Variants in MAP2K5 observed in about 807,000 individuals in gnomAD.
MAP2K5 encodes the protein dual specificity mitogen-activated protein kinase kinase 5.
A neutral mutation model predicts 83.1 loss-of-function variants in MAP2K5; 49 were observed. The ratio of observed to expected loss-of-function variants is 0.59; its 90% CI spans 0.47 to 0.75. MAP2K5 has a LOEUF of 0.75. Among genes scored for constraint, MAP2K5 ranks in the 30% least tolerant of loss-of-function variants. The probability of loss-of-function intolerance (pLI) is 0.00; values close to 1 mark genes in which losing one functional copy is unlikely to be tolerated. For missense variants in MAP2K5, 457 were observed against 557.5 expected (o/e 0.82, Z 1.82); for synonymous variants, 202 against 191.8 (o/e 1.05, Z -0.44).
chr15:67,752,461 C>T (rs1320562361), intron 19 of MAP2K5, among the ~76,000 whole-genome samples: 1 of 151,746 alleles, frequency 6.6e-6, no homozygotes, highest in Non-Finnish European at 1.5e-5. Flanking sequence ...GGGTGGATCA[C>T]AAGGTCAGGG....
chr15:67,626,154 A>C (rs1261680744), intron 8 of MAP2K5, among the ~76,000 whole-genome samples: 1 of 152,148 alleles, frequency 6.6e-6, no homozygotes, highest in Admixed American at 6.5e-5. Flanking sequence ...GAGGGGGAAA[A>C]ATAATATATC....
At chr15:67,625,398 A>G (rs1445187561) in intron 8 of MAP2K5, among the ~76,000 whole-genome samples, 3 of 152,246 alleles carry the variant, frequency 2.0e-5, no homozygotes, top group Non-Finnish European at 2.9e-5. Flanking sequence ...AAAATATCTC[A>G]TAAAAATGCT....
In MAP2K5 at chr15:67,636,530, G is replaced by A. The variant is rs1326742362; in HGVS notation, c.585+5603G>A. On this transcript the variant is annotated intron_variant, in intron 9 of 21. Coordinates refer to ENST00000178640, the MANE Select transcript of MAP2K5 (RefSeq NM_145160.3). The surrounding 1 kb of genome is among the most constrained non-coding windows in gnomAD (Gnocchi z 4.7). ...CTGATTCCTCTTCTCCTCACTTTGG[G>A]TTGTATTTTTCACTTTTTTTTCATA... Among the ~76,000 whole-genome samples the A allele has an allele frequency of 1.5e-4, 23 of 151,524 alleles. No homozygotes were observed. Among genetic ancestry groups the A allele is most frequent in the Non-Finnish European group, 1.5e-5 (1 of 67,902 alleles).
At chr15:67,604,160 T>A (rs2085726804) in intron 8 of MAP2K5, among the ~76,000 whole-genome samples, 3 of 152,254 alleles carry the variant, frequency 2.0e-5, no homozygotes, top group Admixed American at 1.3e-4. Context: ...GTAATGTGAA[T>A]TCTGTGTGCT....
At chr15:67,683,279 A>G (rs1192005290) in intron 13 of MAP2K5, among the ~76,000 whole-genome samples, 2 of 152,350 alleles carry the variant, frequency 1.3e-5, no homozygotes, top group Admixed American at 1.3e-4. Flanking sequence ...AATTTAAATT[A>G]GGGGAGCTGT....
intron 1 of MAP2K5, among the ~76,000 whole-genome samples, chr15:67,548,039 G>A (rs1041276860): frequency 2.6e-5 from 4 of 152,010 alleles, no homozygotes; most frequent in East Asian, 3.9e-4. Context: ...CCTTTTCCTC[G>A]TATCAGGTGA....
intron 17 of MAP2K5, among the ~76,000 whole-genome samples, chr15:67,729,927 T>C (rs1195694462): frequency 6.6e-6 from 1 of 152,226 alleles, no homozygotes; most frequent in African/African-American, 2.4e-5. Flanking sequence ...AAAATTCTAA[T>C]ACTATGCTGA....
intron 20 of MAP2K5, among the ~76,000 whole-genome samples, chr15:67,771,359 G>A (rs1243833285): frequency 6.6e-6 from 1 of 152,192 alleles, no homozygotes; most frequent in Non-Finnish European, 1.5e-5. Flanking sequence ...TTATCTCGCT[G>A]TGTGGTCTGA....
rs946363496 is a variant in MAP2K5, at chr15:67,640,085, T to G, written c.586-6146T>G. ...ACATTTCCCATATTATATTGAAAAC[T>G]CTGTAAGTGGGGAACAGATCTTATT... is the stretch of plus-strand genomic sequence containing the variant. On this transcript the variant is annotated intron_variant, in intron 9 of 21. Coordinates refer to ENST00000178640, the MANE Select transcript of MAP2K5 (RefSeq NM_145160.3). The surrounding 1 kb of genome is among the most constrained non-coding windows in gnomAD (Gnocchi z 4.6). Among the ~76,000 whole-genome samples the G allele has an allele frequency of 2.0e-5, 3 of 152,236 alleles. No individual in the cohort carries two copies. The highest frequency in any genetic ancestry group is 3.2e-3 in the Middle Eastern group (1 of 316).
Position 67,764,575 on chromosome 15 carries a change from C to A in MAP2K5, c.1135-5027C>A, listed in dbSNP as rs2090007160. On this transcript the variant is annotated intron_variant, in intron 19 of 21. Transcript: ENST00000178640. The surrounding 1 kb of genome is among the most constrained non-coding windows in gnomAD (Gnocchi z 4.9). ...TATCCCTCTGAACAATACACAAATT[C>A]TTTGAGGATATGGATTAAGTATCAG... Among the ~76,000 whole-genome samples, 2 of 152,168 alleles carry A rather than the reference C, an allele frequency of 1.3e-5. No homozygotes were observed. The highest frequency in any genetic ancestry group is 4.1e-4 in the South Asian group (2 of 4,836).
rs1221693112 is a variant in MAP2K5 at position 67,559,880 on chromosome 15, A to G, written c.185-3403A>G. 6.6e-6 allele frequency among the ~76,000 whole-genome samples: 1 copy of G among 152,176 alleles called. No individual in the cohort carries two copies. The highest frequency in any genetic ancestry group is 1.5e-5 in the Non-Finnish European group (1 of 68,030). On this transcript the variant is annotated intron_variant, in intron 2 of 21. Coordinates refer to ENST00000178640, the MANE Select transcript of MAP2K5 (RefSeq NM_145160.3). This position sits in a 1 kb window ranked among gnomAD's most constrained non-coding sequence, Gnocchi z 4.7. ...AAGAACCTCCATGTATAAGATAGAA[A>G]AAGCTCAAATTATTTTCTTGCTTCT...
At chr15:67,701,109 A>G (rs1447468623) in intron 15 of MAP2K5, among the ~76,000 whole-genome samples, 2 of 151,964 alleles carry the variant, frequency 1.3e-5, no homozygotes, top group Non-Finnish European at 1.5e-5. Context: ...TGGGTGAAAT[A>G]CTTGGTACCT....
intron 12 of MAP2K5, among the ~76,000 whole-genome samples, chr15:67,661,951 T>G (rs1425646208): frequency 6.6e-6 from 1 of 152,154 alleles, no homozygotes; most frequent in Non-Finnish European, 1.5e-5. Flanking sequence ...TTTTGTTATA[T>G]TTCCTTCTGT....
At position 67,636,142 on chromosome 15, in the gene MAP2K5, G is replaced by A. The variant is rs1479350812; in HGVS notation, c.585+5215G>A. On this transcript the variant is annotated intron_variant, in intron 9 of 21. Transcript: ENST00000178640. This position sits in a 1 kb window ranked among gnomAD's most constrained non-coding sequence, Gnocchi z 4.7. ...TGAAAGTATGAAATGACCGGGCGCC[G>A]TGGCTCATGCCTGTAATCCCAGCAC... Among the ~76,000 whole-genome samples the A allele has an allele frequency of 1.3e-5, 2 of 152,150 alleles. No homozygotes were observed. Among genetic ancestry groups the A allele is most frequent in the Non-Finnish European group, 2.9e-5 (2 of 68,014 alleles).
Position 67,555,703 on chromosome 15 carries a change from T to C in MAP2K5, c.184+5621T>C, listed in dbSNP as rs1003462685. 6.6e-6 allele frequency among the ~76,000 whole-genome samples: 1 copy of C among 152,234 alleles called. No individual in the cohort carries two copies. The highest frequency in any genetic ancestry group is 1.5e-5 in the Non-Finnish European group (1 of 68,044). ...TCAGTTTGATAGGTGAAAATATTAC[T>C]GTGTTACTGTTTTATTTTATATTTT... On this transcript the variant is annotated intron_variant, in intron 2 of 21. Coordinates refer to ENST00000178640, the MANE Select transcript of MAP2K5 (RefSeq NM_145160.3). This position sits in a 1 kb window ranked among gnomAD's most constrained non-coding sequence, Gnocchi z 5.2.
In MAP2K5 at chr15:67,603,879, G is replaced by T. The variant is rs74351479; in HGVS notation, c.545+3130G>T. Among the ~76,000 whole-genome samples, 598 of 152,240 alleles carry T rather than the reference G, an allele frequency of 3.9e-3. 17 individuals carry two copies. In the East Asian group the frequency reaches 0.076, roughly 19 times the overall value. On this transcript the variant is annotated intron_variant, in intron 8 of 21. Transcript: ENST00000178640. ...CATAAACTAGATGAAGAAAATATTGGAAAATCCACTCATTGGTAACAAAAC... is the reference window on the plus strand; with the variant it reads ...CATAAACTAGATGAAGAAAATATTGTAAAATCCACTCATTGGTAACAAAAC...
chr15:67,629,770 C>A (rs912959401), intron 8 of MAP2K5, among the ~76,000 whole-genome samples: 7 of 152,090 alleles, frequency 4.6e-5, no homozygotes, highest in African/African-American at 1.7e-4. Context: ...ATTTTTAGTT[C>A]TTCGAAACTT....
At chr15:67,726,317 T>C (rs2089095528) in intron 16 of MAP2K5, among the ~76,000 whole-genome samples, 1 of 152,230 alleles carries the variant, frequency 6.6e-6, no homozygotes, top group South Asian at 2.1e-4. Context: ...TTTAGAACTT[T>C]GATAACTTCA....
At chr15:67,763,417 T>C (rs919728100) in intron 19 of MAP2K5, among the ~76,000 whole-genome samples, 2 of 152,218 alleles carry the variant, frequency 1.3e-5, no homozygotes, top group African/African-American at 4.8e-5. Flanking sequence ...TATTCATCTC[T>C]TTCCCACCTT....
Sources: gnomAD v4.1 joint callset for allele counts (sites outside exome capture counted in the v4.1 genomes callset) on GRCh38, gnomAD v4.1.1 for gene constraint, Gnocchi (gnomAD v3.1) non-coding constraint, MANE v1.5 for transcripts, NCBI Gene and HGNC (gene_info 2026-07-23, HGNC 2026-07-21) for gene names.